The following CA10 variants were observed in gnomAD, a reference collection of about 807,000 sequenced individuals.
The protein encoded by CA10 is carbonic anhydrase-related protein 10.
CA10 carries 14 observed loss-of-function variants against 44.2 expected under a neutral mutation model. The ratio of observed to expected loss-of-function variants is 0.32; its 90% CI spans 0.21 to 0.50. The LOEUF is 0.50. CA10 is among the 20% of genes least tolerant of loss of function. The probability of loss-of-function intolerance (pLI) is 0.99; values close to 1 mark genes in which losing one functional copy is unlikely to be tolerated. For missense variants in CA10, 350 were observed against 409.7 expected (o/e 0.85, Z 1.26); for synonymous variants, 159 against 141.6 (o/e 1.12, Z -0.87).
At chr17:51,798,425 G>T (rs1191349488) in intron 3 of CA10, among the ~76,000 whole-genome samples, 2 of 152,192 alleles carry the variant, frequency 1.3e-5, no homozygotes, top group East Asian at 3.8e-4. Flanking sequence ...CCCTAAAATG[G>T]CTAAAACTTC....
At chr17:52,053,625 A>C (rs1987139941) in intron 2 of CA10, among the ~76,000 whole-genome samples, 1 of 152,116 alleles carries the variant, frequency 6.6e-6, no homozygotes, top group South Asian at 2.1e-4. Flanking sequence ...TATGGAAGAT[A>C]AGAAAGGAAA....
intron 2 of CA10, among the ~76,000 whole-genome samples, chr17:51,940,402 T>G (rs1983031648): frequency 6.6e-6 from 1 of 151,974 alleles, no homozygotes; most frequent in Non-Finnish European, 1.5e-5. Context: ...AAATCTGGAG[T>G]TAGGACTAGT....
intron 2 of CA10, among the ~76,000 whole-genome samples, chr17:52,031,726 C>T (rs1986472492): frequency 6.6e-6 from 1 of 152,124 alleles, no homozygotes; most frequent in Non-Finnish European, 1.5e-5. Flanking sequence ...TCACACAGTT[C>T]TTTGGTGATG....
chr17:51,830,671 A>G (rs1313489248), intron 3 of CA10, among the ~76,000 whole-genome samples: 1 of 152,198 alleles, frequency 6.6e-6, no homozygotes, highest in African/African-American at 2.4e-5. Context: ...AAAGAGGCCA[A>G]CATGCAGCCT....
chr17:52,003,804 C>T (rs1031284036), intron 2 of CA10, among the ~76,000 whole-genome samples: 3 of 151,846 alleles, frequency 2.0e-5, no homozygotes, highest in Admixed American at 2.0e-4. Flanking sequence ...CTTTTATCAG[C>T]TTTTACTTTG....
intron 3 of CA10, among the ~76,000 whole-genome samples, chr17:51,890,863 C>G (rs1720059976): frequency 6.6e-6 from 1 of 152,138 alleles, no homozygotes; most frequent in South Asian, 2.1e-4. Flanking sequence ...ACCAGTCTGC[C>G]TGCCTGTCAA....
chr17:51,891,912 T>G (rs1980874298), intron 3 of CA10, among the ~76,000 whole-genome samples: 1 of 152,176 alleles, frequency 6.6e-6, no homozygotes, highest in African/African-American at 2.4e-5. Flanking sequence ...CGGTGAGGAA[T>G]GTATCATGCC....
At chr17:51,639,074 A>G (rs1912964363) in intron 6 of CA10, among the ~76,000 whole-genome samples, 1 of 152,156 alleles carries the variant, frequency 6.6e-6, no homozygotes, top group African/African-American at 2.4e-5. Context: ...TCCGGAGGCA[A>G]TGCGGAACCA....
chr17:52,116,520 T>A (rs1010444746), intron 1 of CA10, among the ~76,000 whole-genome samples: 1 of 152,118 alleles, frequency 6.6e-6, no homozygotes, highest in Non-Finnish European at 1.5e-5. Context: ...GAAAGCCACA[T>A]TGACACTCAT....
chr17:52,018,064 C>A (rs944306154), intron 2 of CA10, among the ~76,000 whole-genome samples: 3 of 152,142 alleles, frequency 2.0e-5, no homozygotes, highest in Non-Finnish European at 4.4e-5. Flanking sequence ...GGAGGCTTGG[C>A]AGCTTCCACC....
chr17:51,676,206 T>C lies in CA10; in HGVS notation c.466-22470A>G, dbSNP rs1479484259. 2.0e-5 allele frequency among the ~76,000 whole-genome samples: 3 copies of C among 152,162 alleles called. No homozygotes were observed. The East Asian group carries it at 5.8e-4, about 29-fold the overall frequency. ...AACTTTTTGAGGAACCACCAAACTG[T>C]TTTCCTATATTTTAAAGTTGAGCAC... On this transcript the variant is annotated intron_variant, in intron 4 of 8. Coordinates refer to ENST00000451037, the MANE Select transcript of CA10 (RefSeq NM_020178.5).
At chr17:52,110,838 C>A (rs1429181529) in intron 1 of CA10, among the ~76,000 whole-genome samples, 1 of 152,144 alleles carries the variant, frequency 6.6e-6, no homozygotes, top group Non-Finnish European at 1.5e-5. Context: ...AAGCAGCTCC[C>A]ATGGCCAAGG....
intron 1 of CA10, among the ~76,000 whole-genome samples, chr17:52,103,465 A>G (rs1184922962): frequency 6.6e-6 from 1 of 152,120 alleles, no homozygotes; most frequent in East Asian, 1.9e-4. Context: ...TTGCTCCCCC[A>G]CAGGGAGCTG....
intron 1 of CA10, among the ~76,000 whole-genome samples, chr17:52,097,170 A>T (rs957588301): frequency 3.3e-5 from 5 of 152,240 alleles, no homozygotes; most frequent in African/African-American, 1.2e-4. Context: ...GAGTATGCCT[A>T]TCTTGGAACA....
At chr17:51,782,641 A>C (rs934229113) in intron 3 of CA10, among the ~76,000 whole-genome samples, 1 of 152,202 alleles carries the variant, frequency 6.6e-6, no homozygotes, top group African/African-American at 2.4e-5. Flanking sequence ...TCCAGCGTCC[A>C]ACCCCCTTGA....
At chr17:52,068,800 G>T (rs1987602581) in intron 2 of CA10, among the ~76,000 whole-genome samples, 1 of 152,156 alleles carries the variant, frequency 6.6e-6, no homozygotes, top group Non-Finnish European at 1.5e-5. Context: ...TATTCAGAAG[G>T]CTTCTCCTTA....
At chr17:52,037,183 C>T (rs901289448) in intron 2 of CA10, among the ~76,000 whole-genome samples, 9 of 152,060 alleles carry the variant, frequency 5.9e-5, no homozygotes, top group African/African-American at 1.4e-4. Context: ...TACCCAAATT[C>T]GAAATCCCTG....
At chr17:51,817,686 C>G (rs115005455) in intron 3 of CA10, among the ~76,000 whole-genome samples, 1 of 152,140 alleles carries the variant, frequency 6.6e-6, no homozygotes, top group Admixed American at 6.5e-5. Flanking sequence ...CCGACATCCT[C>G]AGATCTAGAA....
At chr17:51,916,070 C>G (rs1007101902) in intron 3 of CA10, among the ~76,000 whole-genome samples, 1 of 152,140 alleles carries the variant, frequency 6.6e-6, no homozygotes, top group African/African-American at 2.4e-5. Context: ...AAGCTCCCCT[C>G]TATTTCCTCT....
Sources: allele counts gnomAD v4.1 joint callset (sites outside exome capture counted in the v4.1 genomes callset), GRCh38; gene constraint gnomAD v4.1.1; transcripts MANE v1.5; gene names NCBI Gene and HGNC (gene_info 2026-07-23, HGNC 2026-07-21).